The following PCDH9 variants were observed in gnomAD, a reference collection of about 807,000 sequenced individuals.
PCDH9 encodes the protein protocadherin 9, also known as protocadherin-9.
In PCDH9, 24 loss-of-function variants were observed where a neutral mutation model predicts 70.6. The observed-to-expected ratio is 0.34, with a 90% CI of 0.25 to 0.48. The LOEUF is 0.48. PCDH9 is among the 20% of genes least tolerant of loss of function. PCDH9 has a pLI of 0.99. For synonymous variants in PCDH9, 562 were observed against 558.5 expected (o/e 1.01, Z -0.09); for missense variants, 1,281 against 1,503.6 (o/e 0.85, Z 2.45).
chr13:66,349,035 G>A (rs1212077222), intron 4 of PCDH9, among the ~76,000 whole-genome samples: 2 of 152,088 alleles, frequency 1.3e-5, no homozygotes, highest in African/African-American at 4.8e-5. Context: ...GAAGTATCTA[G>A]AAAATAGATT....
intron 2 of PCDH9, among the ~76,000 whole-genome samples, chr13:67,175,554 C>T (rs949234520): frequency 1.6e-4 from 25 of 152,126 alleles, no homozygotes; most frequent in African/African-American, 6.0e-4. Context: ...CTTCTTATTT[C>T]CTCACCTATT....
At chr13:67,093,252 C>T (rs1273868582) in intron 2 of PCDH9, among the ~76,000 whole-genome samples, 1 of 152,014 alleles carries the variant, frequency 6.6e-6, no homozygotes, top group South Asian at 2.1e-4. Flanking sequence ...GTCAGGAGTT[C>T]GAGACCAGCC....
intron 2 of PCDH9, among the ~76,000 whole-genome samples, chr13:67,066,148 T>A (rs2138140930): frequency 6.6e-6 from 1 of 152,290 alleles, no homozygotes; most frequent in Non-Finnish European, 1.5e-5. Flanking sequence ...TAGTATTTTT[T>A]AAATGGAAAC....
At chr13:66,895,862 G>T (rs1429650689) in intron 3 of PCDH9, among the ~76,000 whole-genome samples, 10 of 152,106 alleles carry the variant, frequency 6.6e-5, no homozygotes, top group Non-Finnish European at 1.3e-4. Flanking sequence ...TATCTGAAAG[G>T]CTCATCCCCC....
chr13:66,370,719 G>T (rs978868512), intron 4 of PCDH9, among the ~76,000 whole-genome samples: 3 of 151,748 alleles, frequency 2.0e-5, no homozygotes, highest in African/African-American at 4.8e-5. Flanking sequence ...TCACTATTTT[G>T]CCCAGCCTGG....
intron 3 of PCDH9, among the ~76,000 whole-genome samples, chr13:66,773,833 C>G (rs975528176): frequency 3.3e-5 from 5 of 150,408 alleles, no homozygotes; most frequent in Non-Finnish European, 7.4e-5. Context: ...GGCTGGAGTG[C>G]AGTGGGTGAT....
intron 3 of PCDH9, among the ~76,000 whole-genome samples, chr13:66,678,942 GATGTATATATAT>G (rs1217122081): frequency 2.0e-5 from 3 of 150,994 alleles, no homozygotes; most frequent in Non-Finnish European, 3.0e-5. Context: ...TAGGCGACTG[GATGTATATATAT>G]ATACATCCAG....
chr13:66,680,744 C>T (rs1175690804), intron 3 of PCDH9, among the ~76,000 whole-genome samples: 2 of 151,890 alleles, frequency 1.3e-5, no homozygotes, highest in African/African-American at 4.8e-5. Context: ...AAAAATTAAA[C>T]TTCCCCAAGC....
intron 4 of PCDH9, among the ~76,000 whole-genome samples, chr13:66,447,670 C>A (rs1958123209): frequency 6.6e-6 from 1 of 152,028 alleles, no homozygotes; most frequent in South Asian, 2.1e-4. Context: ...AAACTGAAAG[C>A]ATGGTTAGCT....
intron 4 of PCDH9, among the ~76,000 whole-genome samples, chr13:66,489,832 A>T (rs1959004332): frequency 6.6e-6 from 1 of 152,204 alleles, no homozygotes; most frequent in Non-Finnish European, 1.5e-5. Context: ...TGATAAGAAC[A>T]CGGAGAGCTA....
chr13:66,695,580 G>T (rs1248367785), intron 3 of PCDH9, among the ~76,000 whole-genome samples: 1 of 152,156 alleles, frequency 6.6e-6, no homozygotes, highest in Non-Finnish European at 1.5e-5. Context: ...AGCAAGAGAG[G>T]TTTTGAAATC....
At chr13:66,506,545 C>T (rs1378831316) in intron 4 of PCDH9, among the ~76,000 whole-genome samples, 1 of 152,100 alleles carries the variant, frequency 6.6e-6, no homozygotes, top group Non-Finnish European at 1.5e-5. Context: ...ACAGTCATTA[C>T]TCTTAAACTC....
chr13:66,413,618 G>A (rs1484659039), intron 4 of PCDH9, among the ~76,000 whole-genome samples: 7 of 151,834 alleles, frequency 4.6e-5, no homozygotes, highest in South Asian at 4.1e-4. Context: ...CCTGGGAGGC[G>A]GAGCTTGCAG....
chr13:66,759,610 T>C (rs1346665272), intron 3 of PCDH9, among the ~76,000 whole-genome samples: 1 of 147,586 alleles, frequency 6.8e-6, no homozygotes, highest in Non-Finnish European at 1.5e-5. Flanking sequence ...TTTCTTTGTA[T>C]ACCTCTAGTA....
intron 4 of PCDH9, among the ~76,000 whole-genome samples, chr13:66,434,859 A>G (rs1181783106): frequency 2.6e-5 from 4 of 152,158 alleles, no homozygotes; most frequent in Admixed American, 2.6e-4. Context: ...ATGAAACAAA[A>G]AAGTGATGTA....
At chr13:66,656,640 TGG>T (rs1030259081) in intron 3 of PCDH9, among the ~76,000 whole-genome samples, 2 of 91,364 alleles carry the variant, frequency 2.2e-5, no homozygotes, top group African/African-American at 8.5e-5. Context: ...GATGGTGGGG[TGG>T]GGGGGCGGTT....
chr13:67,008,353 A>C (rs946661891), intron 2 of PCDH9, among the ~76,000 whole-genome samples: 5 of 152,204 alleles, frequency 3.3e-5, no homozygotes, highest in Admixed American at 1.3e-4. Context: ...GCAAGGAGAA[A>C]TCAGCTAGTA....
chr13:67,113,587 G>T (rs7328007), intron 2 of PCDH9, among the ~76,000 whole-genome samples: 39,753 of 150,582 alleles, frequency 0.26, 5,504 homozygotes, highest in East Asian at 0.54. Flanking sequence ...TCGCTCTGTC[G>T]CCCAGGCTGG....
intron 4 of PCDH9, among the ~76,000 whole-genome samples, chr13:66,322,710 A>G (rs542956411): frequency 6.6e-6 from 1 of 152,050 alleles, no homozygotes; most frequent in African/African-American, 2.4e-5. Context: ...ATATACTCTA[A>G]GAATCAATGA....
Sources: allele counts gnomAD v4.1 joint callset (sites outside exome capture counted in the v4.1 genomes callset), GRCh38; gene constraint gnomAD v4.1.1; transcripts MANE v1.5; gene names NCBI Gene and HGNC (gene_info 2026-07-23, HGNC 2026-07-21).